TTC6: variants seen among roughly 807,000 people sequenced by gnomAD.
The protein encoded by TTC6 is tetratricopeptide repeat domain 6.
Under a neutral mutation model 210.4 loss-of-function variants are expected in TTC6, and 172 were observed. The observed-to-expected ratio is 0.82, with a 90% confidence interval of 0.72 to 0.93. The LOEUF (loss-of-function observed/expected upper bound fraction) is 0.93. Ranked by LOEUF, TTC6 falls within the 40% of genes least tolerant of loss-of-function variation. TTC6 has a pLI of 0.00. For missense variants in TTC6, 2,414 were observed against 2,318.1 expected (o/e 1.04, Z -0.85); for synonymous variants, 804 against 819.6 (o/e 0.98, Z 0.32).
rs1000400265 is a variant in TTC6 at position 37,769,091 on chromosome 14, T to C, written c.3266+15856T>C. ...GTTTTTGTCTTTGGCTCTGTTTATATGCTGGATTACATTTATTGATTTGCG... is the reference window on the plus strand; with the variant it reads ...GTTTTTGTCTTTGGCTCTGTTTATACGCTGGATTACATTTATTGATTTGCG... On this transcript the variant is annotated intron_variant, in intron 14 of 30. Transcript: ENST00000553443. Among the ~76,000 whole-genome samples, 154 of 151,388 alleles carry C rather than the reference T, an allele frequency of 1.0e-3. No individual in the cohort carries two copies. In the Middle Eastern group the frequency reaches 0.01, roughly 10 times the overall value.
exon 1 of TTC6, chr14:37,622,445 C>A: frequency 6.5e-7 from 1 of 1,535,168 alleles, no homozygotes; most frequent in Non-Finnish European, 8.7e-7. Context: ...GCTCCGCGTT[C>A]CTACGGCACC....
At chr14:37,615,440 T>G in intron 2 of TTC6, among the ~76,000 whole-genome samples, 1 of 152,140 alleles carries the variant, frequency 6.6e-6, no homozygotes, top group East Asian at 1.9e-4. Context: ...GTTAGCGCTT[T>G]TTGGTATTAT....
intron 15 of TTC6, 119 bp downstream of exon 17, chr14:37,787,756 A>G (rs1255334869): frequency 3.0e-6 from 2 of 669,104 alleles, no homozygotes; most frequent in Admixed American, 3.5e-5. Flanking sequence ...CTATATACTA[A>G]TATACATTAT....
chr14:37,651,387 TTATATATATATATATATATATA>T (rs1199665217), intron 1 of TTC6, among the ~76,000 whole-genome samples: 68 of 30,906 alleles, frequency 2.2e-3, no homozygotes, highest in African/African-American at 7.2e-3. Flanking sequence ...ACTGTTTATG[TTATATATATATATATATATATA>T]TATATATATA....
In TTC6 at chr14:37,796,779, C is replaced by G. The variant is rs2139366524; in HGVS notation, c.3869-8C>G. On this transcript the variant is annotated splice_region_variant and splice_polypyrimidine_tract_variant and intron_variant, in intron 19 of 30. Coordinates refer to ENST00000553443, the Ensembl canonical transcript of TTC6. ...CAAAGATATTGATAAACTTTCCTTC[C>G]CTTTTAGGTCTCAGTGAGTTGAGTC... The G allele has an allele frequency of 6.3e-7, 1 of 1,587,668 alleles. No individual in the cohort carries two copies. Among genetic ancestry groups the G allele is most frequent in the East Asian group, 2.3e-5 (1 of 43,738 alleles).
At chr14:37,638,960 C>G (rs1223856817) in intron 1 of TTC6, among the ~76,000 whole-genome samples, 1 of 152,200 alleles carries the variant, frequency 6.6e-6, no homozygotes, top group Non-Finnish European at 1.5e-5. Context: ...GTTTATCCTT[C>G]TACACTTCTC....
chr14:37,638,104 G>A (rs28800238), intron 1 of TTC6, among the ~76,000 whole-genome samples: 1,656 of 152,150 alleles, frequency 0.011, 25 homozygotes, highest in African/African-American at 0.038. Context: ...AGGGGTAAAT[G>A]GATATATAAC....
intron 1 of TTC6, among the ~76,000 whole-genome samples, chr14:37,600,998 C>T (rs1204198771): frequency 6.6e-6 from 1 of 152,228 alleles, no homozygotes; most frequent in Non-Finnish European, 1.5e-5. Context: ...GCCTCCTTGG[C>T]AGCATTTGCT....
At chr14:37,723,651 G>T (rs1275795746) in intron 6 of TTC6, among the ~76,000 whole-genome samples, 3 of 152,126 alleles carry the variant, frequency 2.0e-5, no homozygotes, top group Admixed American at 6.5e-5. Context: ...AATCCTGTGG[G>T]ATACAACTTT....
exon 28 of TTC6, chr14:37,826,321 A>G (rs2096171437): frequency 3.1e-6 from 5 of 1,608,648 alleles, no homozygotes; most frequent in Non-Finnish European, 4.2e-6. Context: ...TTTTGCTGCA[A>G]TGCAGGATAT....
At chr14:37,736,353 T>A (rs541278474) in intron 8 of TTC6, among the ~76,000 whole-genome samples, 99 of 150,228 alleles carry the variant, frequency 6.6e-4, no homozygotes, top group East Asian at 2.9e-3. Context: ...TCAAAAAAAA[T>A]TTTTTTTTTT....
Position 37,727,291 on chromosome 14 carries a change from A to ATTTTTTTTTTTTTTTT in TTC6, c.1818+2297_1818+2312dup, listed in dbSNP as rs368293440. On this transcript the variant is annotated intron_variant, in intron 7 of 30. Transcript: ENST00000553443. ...GACATTCTATGTTGGTATTTTTCTAATTTTTTTTTTTTTTTTTTTTTTTGA... is the reference window on the plus strand; with the variant it reads ...GACATTCTATGTTGGTATTTTTCTAATTTTTTTTTTTTTTTTTTTTTTTTTTTTTTTTTTTTTTTGA... 2.4e-4 allele frequency among the ~76,000 whole-genome samples: 22 copies of ATTTTTTTTTTTTTTTT among 92,240 alleles called. 1 individual carries two copies. The highest frequency in any genetic ancestry group is 3.9e-4 in the Non-Finnish European group (18 of 45,638). 60.5% of individuals were successfully genotyped at this position (92,240 alleles called of 152,430 possible). A position where few individuals can be genotyped will look rare whatever the true frequency, so the allele number is the denominator to read the frequency against.
intron 26 of TTC6, among the ~76,000 whole-genome samples, chr14:37,820,883 TCC>T (rs1296825138): frequency 2.3e-3 from 333 of 145,992 alleles, no homozygotes; most frequent in South Asian, 6.5e-3. Context: ...CTTCTCCTCC[TCC>T]TTCTCCTCCT....
intron 15 of TTC6, among the ~76,000 whole-genome samples, chr14:37,788,995 T>C (rs148598114): frequency 2.7e-4 from 41 of 152,238 alleles, no homozygotes; most frequent in African/African-American, 9.9e-4. Context: ...ACTTCTAGGC[T>C]ATCACAATAA....
At chr14:37,665,332 A>T (rs550886209) in intron 1 of TTC6, among the ~76,000 whole-genome samples, 2 of 150,492 alleles carry the variant, frequency 1.3e-5, no homozygotes, top group African/African-American at 4.8e-5. Context: ...AAAGAATGAG[A>T]TCATCTCCTT....
intron 1 of TTC6, among the ~76,000 whole-genome samples, chr14:37,601,973 T>C (rs897081554): frequency 3.3e-5 from 5 of 152,246 alleles, no homozygotes; most frequent in Non-Finnish European, 7.3e-5. Context: ...GGTGTTTAAA[T>C]AATATGTTTA....
chr14:37,735,142 A>C (rs1368861045), intron 7 of TTC6, among the ~76,000 whole-genome samples: 1 of 152,164 alleles, frequency 6.6e-6, no homozygotes, highest in Non-Finnish European at 1.5e-5. Context: ...GCAAAAACTC[A>C]ATGCTTGGTG....
chr14:37,737,683 A>G lies in TTC6; in HGVS notation c.1932A>G (p.Ala644=), dbSNP rs1402816190. 5 of 1,523,688 alleles carry G rather than the reference A, an allele frequency of 3.3e-6. No homozygotes were observed. The Admixed American group carries it at 6.0e-5, about 18-fold the overall frequency. The allele number at this position is 1,523,688 out of a possible 1,614,324, so 94.4% of individuals were successfully genotyped here. Reference sequence around the variant, plus strand: ...AGTGTTTCTTACCAAGAAAATCTGCATCATTTGAAAGTATCCAAAAATGGT... The same window carrying G: ...AGTGTTTCTTACCAAGAAAATCTGCGTCATTTGAAAGTATCCAAAAATGGT... Residue 644 remains alanine (A), a synonymous_variant, in exon 9 of 31, where the codon GCA becomes GCG. Coordinates refer to ENST00000553443, the Ensembl canonical transcript of TTC6.
chr14:37,673,353 G>A (rs1043403374), intron 1 of TTC6, among the ~76,000 whole-genome samples: 1 of 152,108 alleles, frequency 6.6e-6, no homozygotes, highest in South Asian at 2.1e-4. Flanking sequence ...ATTGTTTAGG[G>A]CCATACAATG....
Sources: gnomAD v4.1 joint callset for allele counts (sites outside exome capture counted in the v4.1 genomes callset) on GRCh38, gnomAD v4.1.1 for gene constraint, MANE v1.5 for transcripts, NCBI Gene and HGNC (gene_info 2026-07-23, HGNC 2026-07-21) for gene names.